The following PRDM15 variants were observed in gnomAD, a reference collection of about 807,000 sequenced individuals.
PRDM15 encodes PR/SET domain 15.
PRDM15 carries 64 observed loss-of-function variants against 128.6 expected under a neutral mutation model. The observed-to-expected ratio is 0.50, with a 90% confidence interval of 0.41 to 0.61. PRDM15 has a LOEUF of 0.61. Ranked by LOEUF, PRDM15 falls within the 20% of genes least tolerant of loss-of-function variation. The pLI is 0.00. For missense variants in PRDM15, 1,242 were observed against 1,569.1 expected, an observed-to-expected ratio of 0.79 and a Z score of 3.52; for synonymous variants, 615 against 621.8, an observed-to-expected ratio of 0.99 and a Z score of 0.16.
Position 41,854,630 on chromosome 21 carries a change from A to G in PRDM15, c.474T>C (p.Tyr158=), listed in dbSNP as rs1409680248. Residue 158 remains tyrosine (Y), a synonymous_variant, in exon 5 of 24, where the codon TAT becomes TAC. Coordinates refer to ENST00000398548, the MANE Select transcript of PRDM15 (RefSeq NM_001040424.3). The surrounding 1 kb of genome is among the most constrained non-coding windows in gnomAD (Gnocchi z 4.6). Reference sequence around the variant, plus strand: ...CCATCTTCTTGGCATAGAAGGCCGCATACCACACGCGCAGCTCGGTACCCG... The same window carrying G: ...CCATCTTCTTGGCATAGAAGGCCGCGTACCACACGCGCAGCTCGGTACCCG... ...IPPGTELRVW[Y]AAFYAKKMDK... 2 of 1,613,664 alleles carry G rather than the reference A, an allele frequency of 1.2e-6. No homozygotes were observed. The highest frequency in any genetic ancestry group is 2.2e-5 in the East Asian group (1 of 44,884).
rs910254194 is a variant in PRDM15, at chr21:41,862,935, G to A, written c.-9-2563C>T. Reference sequence around the variant, plus strand: ...CTGTAATCCCAGCACTTTCAGAGATGAGGACGGGCGATCACTTCAGGTCAG... The same window carrying A: ...CTGTAATCCCAGCACTTTCAGAGATAAGGACGGGCGATCACTTCAGGTCAG... On this transcript the variant is annotated intron_variant, in intron 1 of 23. Transcript: ENST00000398548. This position sits in a 1 kb window ranked among gnomAD's most constrained non-coding sequence, Gnocchi z 4.1. 1.3e-5 allele frequency among the ~76,000 whole-genome samples: 2 copies of A among 152,104 alleles called. No individual in the cohort carries two copies. The highest frequency in any genetic ancestry group is 2.4e-5 in the African/African-American group (1 of 41,404).
In PRDM15 at chr21:41,854,486, T is replaced by C; in HGVS notation, c.538+80A>G. Reference sequence around the variant, plus strand: ...CCCAACCCATCTCATCAGTGTGGGGTCAGCACAGAGCCAAGGGACCATAAC... The same window carrying C: ...CCCAACCCATCTCATCAGTGTGGGGCCAGCACAGAGCCAAGGGACCATAAC... On this transcript the variant is annotated intron_variant, in intron 5 of 23. Transcript: ENST00000398548. The surrounding 1 kb of genome is among the most constrained non-coding windows in gnomAD (Gnocchi z 4.6). 1 of 1,551,516 alleles carries C rather than the reference T, an allele frequency of 6.4e-7. No individual in the cohort carries two copies. The highest frequency in any genetic ancestry group is 8.7e-7 in the Non-Finnish European group (1 of 1,150,502).
chr21:41,861,946 G>A lies in PRDM15; in HGVS notation c.-9-1574C>T, dbSNP rs751114154. ...ACACATTCACGTTCAAAGGTATCTC[G>A]TGCGGCTCTAGCAAGTGTGACTCAG... is the stretch of plus-strand genomic sequence containing the variant. On this transcript the variant is annotated intron_variant, in intron 1 of 23. Coordinates refer to ENST00000398548, the MANE Select transcript of PRDM15 (RefSeq NM_001040424.3). 32 of 1,613,762 alleles carry A rather than the reference G, an allele frequency of 2.0e-5. No homozygotes were observed. The South Asian group carries it at 2.2e-4, about 11-fold the overall frequency.
chr21:41,829,531 CCACA>C (rs1164281151), intron 11 of PRDM15, among the ~76,000 whole-genome samples: 2 of 150,886 alleles, frequency 1.3e-5, no homozygotes, highest in Non-Finnish European at 2.9e-5. Flanking sequence ...TAATCACACA[CCACA>C]CAGATACACT....
At position 41,810,058 on chromosome 21, in the gene PRDM15, G is replaced by C. The variant is rs1804966959; in HGVS notation, c.2652+96C>G. ...GACTCAGGGCCTGCCTCCAGTACTG[G>C]GGGTCTGCAGAGGGAGGTGGGCCAT... On this transcript the variant is annotated intron_variant, in intron 21 of 23. Transcript: ENST00000398548. This position sits in a 1 kb window ranked among gnomAD's most constrained non-coding sequence, Gnocchi z 6.4. 8.0e-7 allele frequency: 1 copy of C among 1,250,886 alleles called. No homozygotes were observed. The highest frequency in any genetic ancestry group is 1.5e-5 in the African/African-American group (1 of 68,410). The allele number at this position is 1,250,886 out of a possible 1,614,324, so 77.5% of individuals were successfully genotyped here. A position where few individuals can be genotyped will look rare whatever the true frequency, so the allele number is the denominator to read the frequency against.
At chr21:41,838,309 A>T (rs1026032829) in intron 7 of PRDM15, among the ~76,000 whole-genome samples, 1 of 152,256 alleles carries the variant, frequency 6.6e-6, no homozygotes. Flanking sequence ...TATTCTTTTT[A>T]AAAACCACAA....
intron 12 of PRDM15, among the ~76,000 whole-genome samples, chr21:41,826,686 T>C (rs988851488): frequency 4.6e-5 from 7 of 152,172 alleles, no homozygotes; most frequent in Non-Finnish European, 2.9e-5. Flanking sequence ...TCTGGGAGCA[T>C]TCCTGCCTGG....
At chr21:41,801,915 A>G (rs4919945) in intron 23 of PRDM15, among the ~76,000 whole-genome samples, 193 bp from the exon 24 acceptor site, 151,687 of 152,304 alleles carry the variant, frequency 1, 75,539 homozygotes, top group Middle Eastern at 1. Flanking sequence ...CAATCATGAA[A>G]GCAATGAGAA....
At chr21:41,815,975 G>A (rs982972996) in intron 18 of PRDM15, 139 bp from the exon 19 acceptor site, 62 of 1,074,364 alleles carry the variant, frequency 5.8e-5, no homozygotes, top group Non-Finnish European at 7.0e-5. Context: ...CGAGGATCCC[G>A]GTCAGTCCAC....
chr21:41,859,172 T>TAACCCCGCATCCCC lies in PRDM15; in HGVS notation c.131+406_131+419dup. Reference sequence around the variant, plus strand: ...TGGGTCAGCCCTGTCCCTGTCCTCATAACCCCGCATCCCCTGCCCCGCCTG... The same window carrying TAACCCCGCATCCCC: ...TGGGTCAGCCCTGTCCCTGTCCTCATAACCCCGCATCCCCAACCCCGCATCCCCTGCCCCGCCTG... On this transcript the variant is annotated intron_variant, in intron 3 of 23. Coordinates refer to ENST00000398548, the MANE Select transcript of PRDM15 (RefSeq NM_001040424.3). This position sits in a 1 kb window ranked among gnomAD's most constrained non-coding sequence, Gnocchi z 5.3. The TAACCCCGCATCCCC allele has an allele frequency of 2.5e-6, 4 of 1,613,996 alleles. No homozygotes were observed. The highest frequency in any genetic ancestry group is 3.4e-6 in the Non-Finnish European group (4 of 1,180,008).
chr21:41,877,324 C>T (rs892591489), intron 1 of PRDM15: 1 of 152,602 alleles, frequency 6.6e-6, no homozygotes, highest in Admixed American at 6.5e-5. Flanking sequence ...CTGCCCAGAA[C>T]ATTAGGTCCA....
intron 21 of PRDM15, among the ~76,000 whole-genome samples, chr21:41,808,363 T>C (rs562035931): frequency 7.2e-5 from 11 of 152,346 alleles, no homozygotes; most frequent in African/African-American, 2.4e-4. Flanking sequence ...GGGCAGAGTA[T>C]GCAGCCACGG....
rs1288409082 is a variant in PRDM15 at position 41,847,116 on chromosome 21, G to A, written c.614C>T (p.Thr205Ile). 7.7e-6 allele frequency: 12 copies of A among 1,554,088 alleles called. No individual in the cohort carries two copies. The highest frequency in any genetic ancestry group is 1.7e-4 in the Middle Eastern group (1 of 5,974). ...SQWACKVCSA[T>I]FLELQLLNEH... is the part of the protein sequence containing the mutation. Reference sequence around the variant, plus strand: ...ATTGAGGAGCTGCAGCTCCAGGAAGGTGGCAGAACACACTTTACACGCCCA... The same window carrying A: ...ATTGAGGAGCTGCAGCTCCAGGAAGATGGCAGAACACACTTTACACGCCCA... Residue 205 changes from threonine to isoleucine, a missense_variant, in exon 6 of 24, where the codon ACC becomes ATC. Transcript: ENST00000398548.
At position 41,823,327 on chromosome 21, in the gene PRDM15, G is replaced by A; in HGVS notation, c.1752C>T (p.Val584=). The A allele has an allele frequency of 6.2e-7, 1 of 1,608,818 alleles. No individual in the cohort carries two copies. Among genetic ancestry groups the A allele is most frequent in the Non-Finnish European group, 8.5e-7 (1 of 1,177,822 alleles). The change falls in exon 14 of 24, where the codon GTC becomes GTT. Residue 584 remains valine, a synonymous_variant. Coordinates refer to ENST00000398548, the MANE Select transcript of PRDM15 (RefSeq NM_001040424.3). ...RVDVLRDHIH[V]HFKDIALMDD... is the part of the protein sequence containing the mutation. ...AGCACGCGATCGACACCTTGAAGTG[G>A]ACATGGATGTGGTCCCTGAGCACAT...
Position 41,847,080 on chromosome 21 carries a change from T to A in PRDM15, c.640+10A>T, listed in dbSNP as rs1278084255. The A allele has an allele frequency of 2.0e-6, 3 of 1,526,168 alleles. No homozygotes were observed. 94.5% of individuals were successfully genotyped at this position (1,526,168 alleles called of 1,614,324 possible). ...TTTTACAACTGGGGCTCCCCACACG[T>A]CCTCCTTACCATTGAGGAGCTGCAG... On this transcript the variant is annotated intron_variant, in intron 6 of 23. Transcript: ENST00000398548.
chr21:41,857,048 C>T (rs2063656823), intron 4 of PRDM15, 128 bp downstream of exon 4: 1 of 790,204 alleles, frequency 1.3e-6, no homozygotes, highest in Non-Finnish European at 2.1e-6. Context: ...AGCAGACCTA[C>T]AATATTTGGA....
chr21:41,818,727 G>C (rs1029427606), intron 18 of PRDM15, among the ~76,000 whole-genome samples: 1 of 152,012 alleles, frequency 6.6e-6, no homozygotes, highest in African/African-American at 2.4e-5. Flanking sequence ...AGGGTCGCTT[G>C]AAACAGCCCA....
Position 41,828,325 on chromosome 21 carries a change from T to G in PRDM15, c.1375A>C (p.Thr459Pro). The stretch of plus-strand genomic sequence containing the variant: ...CTGAAACACATCTCACATTGGAACG[T>G]CTTGTCATCTGTCCAGAGAGCAAAC... ...EFHNCRTDDK[T>P]FQCEMCFRFF... Residue 459 changes from threonine (T) to proline (P), a missense_variant, in exon 12 of 24, where the codon ACG (threonine) becomes CCG (proline). Physicochemically the swap from Thr to Pro is conservative, Grantham distance 38. Coordinates refer to ENST00000398548, the MANE Select transcript of PRDM15 (RefSeq NM_001040424.3). This position sits in a 1 kb window ranked among gnomAD's most constrained non-coding sequence, Gnocchi z 5.7. The G allele has an allele frequency of 6.2e-7, 1 of 1,613,998 alleles. No homozygotes were observed. Among genetic ancestry groups the G allele is most frequent in the Non-Finnish European group, 8.5e-7 (1 of 1,179,962 alleles).
At chr21:41,833,356 T>G (rs2062760850) in intron 11 of PRDM15, among the ~76,000 whole-genome samples, 2 of 152,140 alleles carry the variant, frequency 1.3e-5, no homozygotes, top group South Asian at 4.1e-4. Flanking sequence ...CTATGAGTCC[T>G]CGAGAGAGGG....
Sources: allele counts gnomAD v4.1 joint callset (sites outside exome capture counted in the v4.1 genomes callset), GRCh38; gene constraint gnomAD v4.1.1; non-coding constraint Gnocchi (gnomAD v3.1); transcripts MANE v1.5; gene names NCBI Gene and HGNC (gene_info 2026-07-23, HGNC 2026-07-21).